CSRP3: variants seen among roughly 807,000 people sequenced by gnomAD.
The protein encoded by CSRP3 is cysteine and glycine rich protein 3, also known as cysteine and glycine-rich protein 3.
Under a neutral mutation model 24.3 loss-of-function variants are expected in CSRP3, and 24 were observed. The ratio of observed to expected loss-of-function variants is 0.99; its 90% CI spans 0.71 to 1.39. The LOEUF (loss-of-function observed/expected upper bound fraction) is 1.39. Ranked by LOEUF, CSRP3 falls within the 40% of genes most tolerant of loss-of-function variation. CSRP3 has a pLI of 0.00. For synonymous variants in CSRP3, 105 were observed against 94.0 expected (o/e 1.12, Z -0.68); for missense variants, 240 against 249.0 (o/e 0.96, Z 0.24).
At position 19,199,182 on chromosome 11, in the gene CSRP3, A is replaced by G. The variant is rs1053732095; in HGVS notation, c.-29+2772T>C. Reference sequence around the variant, plus strand: ...GGATTGGGTTGGAGGCAGCATGCCTAGCCAGGGGCCCTGTAGTCTGGGGAG... The same window carrying G: ...GGATTGGGTTGGAGGCAGCATGCCTGGCCAGGGGCCCTGTAGTCTGGGGAG... On this transcript the variant is annotated intron_variant, in intron 1 of 5. Coordinates refer to ENST00000265968, the MANE Select transcript of CSRP3 (RefSeq NM_003476.5). Among the ~76,000 whole-genome samples, 16 of 150,990 alleles carry G rather than the reference A, an allele frequency of 1.1e-4. No individual in the cohort carries two copies. In the Admixed American group the frequency reaches 1.1e-3, roughly 10 times the overall value.
chr11:19,184,881 GA>G, intron 5 of CSRP3, 70 bp downstream of exon 5: 1 of 1,153,276 alleles, frequency 8.7e-7, no homozygotes, highest in South Asian at 1.2e-5. Context: ...CTCCAGGCAT[GA>G]ACGTAATTTC....
chr11:19,195,059 T>C (rs1850676257), intron 1 of CSRP3, among the ~76,000 whole-genome samples: 1 of 151,904 alleles, frequency 6.6e-6, no homozygotes, highest in Non-Finnish European at 1.5e-5. Flanking sequence ...CCACATTTAG[T>C]CTGGGGATAA....
At chr11:19,185,407 A>G (rs1850508390) in intron 4 of CSRP3, among the ~76,000 whole-genome samples, 2 of 152,232 alleles carry the variant, frequency 1.3e-5, no homozygotes, top group Non-Finnish European at 2.9e-5. Context: ...AGAAGGAAAA[A>G]AAATAAAGAA....
intron 2 of CSRP3, 41 bp from the exon 3 acceptor site, chr11:19,188,345 CCTT>C (rs1440054399): frequency 6.2e-7 from 1 of 1,606,080 alleles, no homozygotes; most frequent in Admixed American, 1.7e-5. Context: ...GAATTGAAAT[CCTT>C]CTCCCCTTCT....
chr11:19,198,706 A>T (rs955168554), intron 1 of CSRP3, among the ~76,000 whole-genome samples: 5 of 148,026 alleles, frequency 3.4e-5, no homozygotes, highest in African/African-American at 1.2e-4. Context: ...AAGAAAGATG[A>T]CATAGCCACA....
At chr11:19,183,601 G>A (rs9888226) in intron 5 of CSRP3, among the ~76,000 whole-genome samples, 2 of 151,350 alleles carry the variant, frequency 1.3e-5, no homozygotes, top group Non-Finnish European at 2.9e-5. Flanking sequence ...TTTTCACTTT[G>A]CAATGCAATT....
intron 1 of CSRP3, among the ~76,000 whole-genome samples, chr11:19,196,256 C>T (rs928938356): frequency 1.3e-4 from 20 of 152,010 alleles, no homozygotes; most frequent in African/African-American, 4.6e-4. Flanking sequence ...AGTGAGACTC[C>T]ATCTGAAAAA....
intron 1 of CSRP3, among the ~76,000 whole-genome samples, chr11:19,195,393 T>A (rs1173316078): frequency 6.6e-6 from 1 of 152,180 alleles, no homozygotes; most frequent in African/African-American, 2.4e-5. Flanking sequence ...TTTTATACAA[T>A]CCATTCTTCT....
At chr11:19,197,973 C>T (rs562168466) in intron 1 of CSRP3, among the ~76,000 whole-genome samples, 1 of 152,184 alleles carries the variant, frequency 6.6e-6, no homozygotes, top group African/African-American at 2.4e-5. Context: ...ATTTACTTTA[C>T]AGATGAGGAA....
intron 1 of CSRP3, among the ~76,000 whole-genome samples, chr11:19,193,867 A>G (rs1039051145): frequency 6.6e-6 from 1 of 152,258 alleles, no homozygotes; most frequent in Non-Finnish European, 1.5e-5. Context: ...CCTCATCTGC[A>G]TATGTTTTTA....
In CSRP3 at chr11:19,182,556, A is replaced by T. The variant is rs1374350770; in HGVS notation, c.*114T>A. The stretch of plus-strand genomic sequence containing the variant: ...AAGACCTGATCACTTCTGAGGAGAA[A>T]CACATAATGTACGACTACAAAGGAG... On this transcript the variant is annotated 3_prime_UTR_variant, in exon 6 of 6. Transcript: ENST00000265968. The T allele has an allele frequency of 1.1e-6, 1 of 917,018 alleles. No individual in the cohort carries two copies. Among genetic ancestry groups the T allele is most frequent in the South Asian group, 1.3e-5 (1 of 76,950 alleles). The allele number at this position is 917,018 out of a possible 1,614,324, so 56.8% of individuals were successfully genotyped here.
chr11:19,188,895 CT>C (rs1850575007), intron 2 of CSRP3, among the ~76,000 whole-genome samples: 1 of 152,016 alleles, frequency 6.6e-6, no homozygotes, highest in Admixed American at 6.6e-5. Context: ...CTCAAGCCCC[CT>C]GGTTACTGTA....
Position 19,182,766 on chromosome 11 carries a change from G to A in CSRP3, c.509-20C>T, listed in dbSNP as rs375020550. ...AGCAAACTGTGAATGAGAAGAGGAT[G>A]AAGGGAGAGACAATGCATTGGTTAG... On this transcript the variant is annotated intron_variant, in intron 5 of 5. Coordinates refer to ENST00000265968, the MANE Select transcript of CSRP3 (RefSeq NM_003476.5). 12 of 1,588,518 alleles carry A rather than the reference G, an allele frequency of 7.6e-6. No homozygotes were observed. The highest frequency in any genetic ancestry group is 8.6e-6 in the Non-Finnish European group (10 of 1,156,646).
intron 1 of CSRP3, 84 bp from the exon 2 acceptor site, chr11:19,192,560 AGGATC>A: frequency 1.2e-6 from 1 of 835,800 alleles, no homozygotes; most frequent in Non-Finnish European, 2.0e-6. Flanking sequence ...TCTGAAGACC[AGGATC>A]CAGCCCAATT....
At position 19,182,058 on chromosome 11, in the gene CSRP3, G is replaced by A. The variant is rs147897204; in HGVS notation, c.*612C>T. On this transcript the variant is annotated 3_prime_UTR_variant, in exon 6 of 6. Transcript: ENST00000265968. Reference sequence around the variant, plus strand: ...TTTATAATACAGAGGCAAATGCCACGCTTTATTGTCATTTCTGAGTTTTCA... The same window carrying A: ...TTTATAATACAGAGGCAAATGCCACACTTTATTGTCATTTCTGAGTTTTCA... 1 of 152,910 alleles carries A rather than the reference G, an allele frequency of 6.5e-6. No individual in the cohort carries two copies. Among genetic ancestry groups the A allele is most frequent in the East Asian group, 1.9e-4 (1 of 5,192 alleles). 9.5% of individuals were successfully genotyped at this position (152,910 alleles called of 1,614,324 possible). A position where few individuals can be genotyped will look rare whatever the true frequency, so the allele number is the denominator to read the frequency against.
chr11:19,186,523 C>A lies in CSRP3; in HGVS notation c.282-175G>T, dbSNP rs1077688. Among the ~76,000 whole-genome samples the A allele has an allele frequency of 0.35, 52,976 of 152,068 alleles. 11,236 individuals carry two copies. Among genetic ancestry groups the A allele is most frequent in the East Asian group, 0.5 (2,583 of 5,172 alleles). Reference sequence around the variant, plus strand: ...TTGTTGAGAGGGTTAAATGAGGCGACATTTGTAAAGCACTTAGAACAGTGC... The same window carrying A: ...TTGTTGAGAGGGTTAAATGAGGCGAAATTTGTAAAGCACTTAGAACAGTGC... On this transcript the variant is annotated intron_variant, in intron 3 of 5. Transcript: ENST00000265968.
At chr11:19,199,613 C>T (rs911932917) in intron 1 of CSRP3, among the ~76,000 whole-genome samples, 1 of 152,234 alleles carries the variant, frequency 6.6e-6, no homozygotes, top group Non-Finnish European at 1.5e-5. Flanking sequence ...CCTAAGCTTT[C>T]TAGAACTTTA....
intron 4 of CSRP3, among the ~76,000 whole-genome samples, chr11:19,185,982 C>T (rs1850518661): frequency 6.6e-6 from 1 of 152,116 alleles, no homozygotes; most frequent in African/African-American, 2.4e-5. Flanking sequence ...TGCCTTCCAT[C>T]TAGTAGAATA....
intron 2 of CSRP3, among the ~76,000 whole-genome samples, chr11:19,189,439 G>T (rs1337775146): frequency 6.6e-6 from 1 of 152,148 alleles, no homozygotes; most frequent in Non-Finnish European, 1.5e-5. Flanking sequence ...GTGATGCTCA[G>T]TGCTTATAAT....
Sources: gnomAD v4.1 joint callset for allele counts (sites outside exome capture counted in the v4.1 genomes callset) on GRCh38, gnomAD v4.1.1 for gene constraint, MANE v1.5 for transcripts, NCBI Gene and HGNC (gene_info 2026-07-23, HGNC 2026-07-21) for gene names.